CADM1: variants seen among roughly 807,000 people sequenced by gnomAD.
CADM1 encodes the protein cell adhesion molecule 1.
A neutral mutation model predicts 53.1 loss-of-function variants in CADM1; 15 were observed. That is an observed-to-expected ratio of 0.28 (90% CI 0.19 to 0.44). The LOEUF (loss-of-function observed/expected upper bound fraction) is 0.44. Ranked by LOEUF, CADM1 falls within the 20% of genes least tolerant of loss-of-function variation. CADM1 has a pLI of 1.00. For missense variants in CADM1, 434 were observed against 611.3 expected (o/e 0.71, Z 3.06); for synonymous variants, 281 against 243.0 (o/e 1.16, Z -1.45).
chr11:115,444,167 C>T (rs989185844), intron 1 of CADM1, among the ~76,000 whole-genome samples: 16 of 151,656 alleles, frequency 1.1e-4, no homozygotes, highest in Admixed American at 7.2e-4. Flanking sequence ...CAACACTCAG[C>T]GATAAAAAGA....
At chr11:115,328,678 GTGTATA>G (rs1179129798) in intron 1 of CADM1, among the ~76,000 whole-genome samples, 5 of 19,146 alleles carry the variant, frequency 2.6e-4, no homozygotes, top group African/African-American at 7.9e-4. Context: ...ATATATATAT[GTGTATA>G]TATATGTGTA....
At chr11:115,455,379 G>T (rs532035233) in intron 1 of CADM1, among the ~76,000 whole-genome samples, 18 of 151,512 alleles carry the variant, frequency 1.2e-4, no homozygotes, top group Non-Finnish European at 1.8e-4. Flanking sequence ...TAAGAAAAGA[G>T]GTACTTCAAA....
At chr11:115,282,958 G>A (rs1340546146) in intron 1 of CADM1, among the ~76,000 whole-genome samples, 1 of 152,100 alleles carries the variant, frequency 6.6e-6, no homozygotes, top group Non-Finnish European at 1.5e-5. Context: ...GTACACCAAG[G>A]CAAATGGCCC....
At chr11:115,259,158 G>A (rs769563694) in intron 1 of CADM1, among the ~76,000 whole-genome samples, 2 of 151,694 alleles carry the variant, frequency 1.3e-5, no homozygotes, top group Non-Finnish European at 2.9e-5. Context: ...GCTAATTTTT[G>A]TAGTTTTAGT....
chr11:115,266,759 AT>A (rs1450607948), intron 1 of CADM1, among the ~76,000 whole-genome samples: 2 of 152,214 alleles, frequency 1.3e-5, no homozygotes, highest in African/African-American at 4.8e-5. Flanking sequence ...TCTGAGATGA[AT>A]TTTGATAAAC....
At chr11:115,443,135 G>A (rs192090104) in intron 1 of CADM1, among the ~76,000 whole-genome samples, 3 of 152,232 alleles carry the variant, frequency 2.0e-5, no homozygotes, top group East Asian at 1.9e-4. Context: ...CTTGGGCTGG[G>A]AGCCAAAGGC....
At chr11:115,360,597 C>T (rs1478372854) in intron 1 of CADM1, among the ~76,000 whole-genome samples, 1 of 152,156 alleles carries the variant, frequency 6.6e-6, no homozygotes, top group Non-Finnish European at 1.5e-5. Context: ...CCTTACATTC[C>T]ATGACTAAAT....
intron 1 of CADM1, among the ~76,000 whole-genome samples, chr11:115,343,700 A>T (rs1457082372): frequency 6.7e-6 from 1 of 149,556 alleles, no homozygotes; most frequent in African/African-American, 2.5e-5. Context: ...TAATGTTCAA[A>T]TCTGTATCAT....
chr11:115,223,991 G>GAGAC (rs1178902075), intron 5 of CADM1, among the ~76,000 whole-genome samples: 1 of 149,842 alleles, frequency 6.7e-6, no homozygotes, highest in African/African-American at 2.4e-5. Flanking sequence ...GAGAGAGAGA[G>GAGAC]AGAGACTGGA....
At chr11:115,258,829 G>A (rs1312925719) in intron 1 of CADM1, among the ~76,000 whole-genome samples, 1 of 152,160 alleles carries the variant, frequency 6.6e-6, no homozygotes, top group Non-Finnish European at 1.5e-5. Flanking sequence ...CAAATAGGAA[G>A]AGTCCTACTT....
intron 5 of CADM1, among the ~76,000 whole-genome samples, chr11:115,224,425 C>A (rs573111345): frequency 1.4e-4 from 21 of 152,194 alleles, no homozygotes; most frequent in African/African-American, 4.3e-4. Context: ...AGATGATAAT[C>A]AGAGCAGGCA....
chr11:115,451,406 C>A (rs1023793992), intron 1 of CADM1, among the ~76,000 whole-genome samples: 1 of 152,160 alleles, frequency 6.6e-6, no homozygotes, highest in African/African-American at 2.4e-5. Context: ...TTTGAAGATA[C>A]CCGTTAAAGC....
At chr11:115,186,451 T>C (rs559488960) in intron 10 of CADM1, among the ~76,000 whole-genome samples, 1 of 152,056 alleles carries the variant, frequency 6.6e-6, no homozygotes, top group African/African-American at 2.4e-5. Context: ...GCACAGTGAA[T>C]TGAAAAGGGT....
intron 1 of CADM1, among the ~76,000 whole-genome samples, chr11:115,400,600 A>T (rs1162834426): frequency 3.5e-5 from 5 of 141,546 alleles, no homozygotes; most frequent in African/African-American, 1.3e-4. Flanking sequence ...TATCTCTCAT[A>T]TATATAATAT....
At chr11:115,481,735 C>T (rs1211959620) in intron 1 of CADM1, among the ~76,000 whole-genome samples, 1 of 152,178 alleles carries the variant, frequency 6.6e-6, no homozygotes, top group African/African-American at 2.4e-5. Flanking sequence ...GACTCCTCCT[C>T]TTCCCACTCT....
chr11:115,292,125 T>C (rs1044944930), intron 1 of CADM1, among the ~76,000 whole-genome samples: 6 of 152,218 alleles, frequency 3.9e-5, no homozygotes, highest in African/African-American at 1.2e-4. Context: ...CCTGGTGTGA[T>C]GGCAAAAACA....
chr11:115,295,537 T>A, intron 1 of CADM1, among the ~76,000 whole-genome samples: 1 of 87,582 alleles, frequency 1.1e-5, no homozygotes, highest in Admixed American at 1.2e-4. Flanking sequence ...TATATATATA[T>A]ATATATATAT....
chr11:115,201,621 G>A (rs533476717), intron 8 of CADM1, among the ~76,000 whole-genome samples: 66 of 152,256 alleles, frequency 4.3e-4, no homozygotes, highest in African/African-American at 1.5e-3. Flanking sequence ...AAATTTCAAT[G>A]TAAGTGATAA....
intron 1 of CADM1, among the ~76,000 whole-genome samples, chr11:115,303,944 A>G (rs572792779): frequency 3.3e-5 from 5 of 152,194 alleles, no homozygotes; most frequent in Middle Eastern, 3.4e-3. Flanking sequence ...TCTTTTTGGC[A>G]TGGAAAGCAC....
Sources: gnomAD v4.1 joint callset for allele counts (sites outside exome capture counted in the v4.1 genomes callset) on GRCh38, gnomAD v4.1.1 for gene constraint, MANE v1.5 for transcripts, NCBI Gene and HGNC (gene_info 2026-07-23, HGNC 2026-07-21) for gene names.